The following NOS1AP variants were observed in gnomAD, a reference collection of about 807,000 sequenced individuals.
NOS1AP encodes the protein carboxyl-terminal PDZ ligand of neuronal nitric oxide synthase protein.
In NOS1AP, 21 loss-of-function variants were observed where a neutral mutation model predicts 56.2. The observed-to-expected ratio is 0.37, with a 90% CI of 0.26 to 0.54. The LOEUF is 0.54. Among genes scored for constraint, NOS1AP ranks in the 20% least tolerant of loss-of-function variants. The pLI, the probability that NOS1AP is intolerant of heterozygous loss-of-function variation, is 0.84. For synonymous variants in NOS1AP, 270 were observed against 274.6 expected, an observed-to-expected ratio of 0.98 and a Z score of 0.17; for missense variants, 522 against 657.8, an observed-to-expected ratio of 0.79 and a Z score of 2.26.
chr1:162,328,081 T>C (rs1656650949), intron 4 of NOS1AP, among the ~76,000 whole-genome samples: 1 of 152,204 alleles, frequency 6.6e-6, no homozygotes. Flanking sequence ...AACCTGGATC[T>C]TTCTCATCCC....
intron 2 of NOS1AP, among the ~76,000 whole-genome samples, chr1:162,239,796 G>A (rs1218265063): frequency 6.6e-6 from 1 of 152,196 alleles, no homozygotes. Context: ...GTAGGGTGAT[G>A]TTGCAAAGGG....
intron 1 of NOS1AP, among the ~76,000 whole-genome samples, chr1:162,145,189 A>C (rs1303776368): frequency 6.8e-6 from 1 of 146,854 alleles, no homozygotes; most frequent in Non-Finnish European, 1.5e-5. Flanking sequence ...CTTAGACTAC[A>C]AATAAATGAA....
At chr1:162,352,146 G>A (rs1013107228) in intron 6 of NOS1AP, among the ~76,000 whole-genome samples, 4 of 151,628 alleles carry the variant, frequency 2.6e-5, no homozygotes, top group South Asian at 2.1e-4. Flanking sequence ...TGCAACCTCC[G>A]CCTCCTGGGT....
At chr1:162,232,664 T>C (rs968062883) in intron 2 of NOS1AP, among the ~76,000 whole-genome samples, 1 of 152,148 alleles carries the variant, frequency 6.6e-6, no homozygotes, top group Non-Finnish European at 1.5e-5. Context: ...CCTGCCTCAA[T>C]TTTATGCTGG....
At chr1:162,230,751 T>G (rs1035921856) in intron 2 of NOS1AP, among the ~76,000 whole-genome samples, 3 of 152,230 alleles carry the variant, frequency 2.0e-5, no homozygotes, top group African/African-American at 7.2e-5. Flanking sequence ...GCAGTATTTG[T>G]TTTTTTGTAA....
chr1:162,299,145 A>C (rs1655562211), intron 3 of NOS1AP, among the ~76,000 whole-genome samples: 1 of 152,256 alleles, frequency 6.6e-6, no homozygotes, highest in African/African-American at 2.4e-5. Flanking sequence ...TTTAACTCTG[A>C]AGAATTTCAG....
intron 1 of NOS1AP, among the ~76,000 whole-genome samples, chr1:162,108,546 TA>T (rs1647596650): frequency 6.6e-6 from 1 of 152,156 alleles, no homozygotes; most frequent in African/African-American, 2.4e-5. Context: ...AGTTTCTCTT[TA>T]TAAAAGTAGC....
chr1:162,260,369 T>C (rs1378907605), intron 2 of NOS1AP, among the ~76,000 whole-genome samples: 1 of 152,188 alleles, frequency 6.6e-6, no homozygotes, highest in Non-Finnish European at 1.5e-5. Context: ...TCAGTATCTA[T>C]GGAAAGAGTG....
chr1:162,234,693 C>T (rs1653230063), intron 2 of NOS1AP, among the ~76,000 whole-genome samples: 1 of 152,146 alleles, frequency 6.6e-6, no homozygotes, highest in African/African-American at 2.4e-5. Flanking sequence ...GTTTCTATCA[C>T]AGGAGGAATG....
intron 1 of NOS1AP, among the ~76,000 whole-genome samples, chr1:162,092,800 T>C (rs1692163816): frequency 6.6e-6 from 1 of 152,158 alleles, no homozygotes; most frequent in Admixed American, 6.5e-5. Flanking sequence ...CCTGATGAAA[T>C]GGTAAGGAGG....
intron 1 of NOS1AP, among the ~76,000 whole-genome samples, chr1:162,102,268 G>A (rs1295741464): frequency 6.6e-6 from 1 of 152,150 alleles, no homozygotes; most frequent in Non-Finnish European, 1.5e-5. Flanking sequence ...TGTGTATGTT[G>A]AACCAATCTT....
chr1:162,202,907 G>T (rs144728158), intron 2 of NOS1AP, among the ~76,000 whole-genome samples: 145 of 152,270 alleles, frequency 9.5e-4, no homozygotes, highest in African/African-American at 3.3e-3. Context: ...GGATACAGGG[G>T]CTCAACTGAT....
intron 1 of NOS1AP, among the ~76,000 whole-genome samples, chr1:162,151,531 G>GT (rs1649706221): frequency 6.6e-6 from 1 of 152,094 alleles, no homozygotes; most frequent in Non-Finnish European, 1.5e-5. Context: ...TTTTAGGATT[G>GT]TTTTTTCTAT....
At chr1:162,127,705 C>T (rs1648550423) in intron 1 of NOS1AP, among the ~76,000 whole-genome samples, 1 of 152,060 alleles carries the variant, frequency 6.6e-6, no homozygotes, top group South Asian at 2.1e-4. Context: ...ACGAAGGTGC[C>T]ACACACTTTT....
intron 2 of NOS1AP, among the ~76,000 whole-genome samples, chr1:162,179,517 C>T (rs1651177760): frequency 6.6e-6 from 1 of 152,216 alleles, no homozygotes; most frequent in African/African-American, 2.4e-5. Context: ...TGCATCCAGT[C>T]TGTTGGGAAG....
At chr1:162,104,511 TG>T (rs1474977501) in intron 1 of NOS1AP, among the ~76,000 whole-genome samples, 1 of 152,172 alleles carries the variant, frequency 6.6e-6, no homozygotes, top group African/African-American at 2.4e-5. Context: ...TTTTCCAGCT[TG>T]GTTCCTTTTT....
At chr1:162,179,228 C>T (rs115471639) in intron 2 of NOS1AP, among the ~76,000 whole-genome samples, 1 of 152,076 alleles carries the variant, frequency 6.6e-6, no homozygotes, top group African/African-American at 2.4e-5. Flanking sequence ...CAAATATTAG[C>T]TTGTTTACAC....
chr1:162,350,639 T>C (rs1051872790), intron 6 of NOS1AP, among the ~76,000 whole-genome samples: 4 of 152,248 alleles, frequency 2.6e-5, no homozygotes, highest in African/African-American at 4.8e-5. Flanking sequence ...ATAGACCTTT[T>C]TTGAAAATAA....
intron 4 of NOS1AP, among the ~76,000 whole-genome samples, chr1:162,326,718 C>G (rs1319939553): frequency 6.6e-6 from 1 of 152,110 alleles, no homozygotes; most frequent in Non-Finnish European, 1.5e-5. Flanking sequence ...AGAGTCTGAC[C>G]TGGCTGGAAA....
Sources: allele counts gnomAD v4.1 joint callset (sites outside exome capture counted in the v4.1 genomes callset), GRCh38; gene constraint gnomAD v4.1.1; transcripts MANE v1.5; gene names NCBI Gene and HGNC (gene_info 2026-07-23, HGNC 2026-07-21).